Variants in KCNH1 observed in about 807,000 individuals in gnomAD.
The protein encoded by KCNH1 is potassium voltage-gated channel subfamily H member 1.
A neutral mutation model predicts 69.2 loss-of-function variants in KCNH1; 27 were observed. The observed-to-expected ratio is 0.39, with a 90% CI of 0.29 to 0.54. The LOEUF (loss-of-function observed/expected upper bound fraction) is 0.54. Ranked by LOEUF, KCNH1 falls within the 20% of genes least tolerant of loss-of-function variation. The pLI is 0.68. For missense variants in KCNH1, 798 were observed against 1,261.6 expected (o/e 0.63, Z 5.57); for synonymous variants, 456 against 487.7 (o/e 0.93, Z 0.86).
At chr1:211,068,944 A>T (rs1484651724) in intron 5 of KCNH1, among the ~76,000 whole-genome samples, 1 of 152,198 alleles carries the variant, frequency 6.6e-6, no homozygotes, top group Non-Finnish European at 1.5e-5. Flanking sequence ...AGTCGCTTAC[A>T]CTTTGTGAAT....
intron 6 of KCNH1, among the ~76,000 whole-genome samples, chr1:211,000,829 A>G (rs184302639): frequency 2.2e-4 from 33 of 152,344 alleles, no homozygotes; most frequent in Middle Eastern, 3.4e-3. Flanking sequence ...AGATCAATGG[A>G]ACAGAACAGA....
intron 2 of KCNH1, among the ~76,000 whole-genome samples, chr1:211,104,521 T>C (rs560032346): frequency 6.6e-6 from 1 of 152,286 alleles, no homozygotes; most frequent in East Asian, 1.9e-4. Flanking sequence ...GGCCCCACAC[T>C]GAATCTGGTC....
At chr1:211,014,652 G>A (rs1348122617) in intron 6 of KCNH1, among the ~76,000 whole-genome samples, 5 of 152,078 alleles carry the variant, frequency 3.3e-5, no homozygotes, top group Non-Finnish European at 7.4e-5. Context: ...CATACACACA[G>A]ATGGCAAAGC....
At chr1:210,805,143 C>T (rs7553708) in intron 7 of KCNH1, among the ~76,000 whole-genome samples, 31,529 of 152,084 alleles carry the variant, frequency 0.21, 3,583 homozygotes, top group East Asian at 0.49. Context: ...TTTGCAATCA[C>T]GTGCTTCTTT....
intron 9 of KCNH1, among the ~76,000 whole-genome samples, chr1:210,781,078 C>T (rs1260030969): frequency 1.3e-5 from 2 of 152,076 alleles, no homozygotes; most frequent in Non-Finnish European, 2.9e-5. Flanking sequence ...TGAAAAGCCA[C>T]GTAAGCCTCT....
At chr1:210,975,832 A>T (rs547210026) in intron 6 of KCNH1, among the ~76,000 whole-genome samples, 1 of 152,354 alleles carries the variant, frequency 6.6e-6, no homozygotes, top group Non-Finnish European at 1.5e-5. Context: ...AATGGGAGAA[A>T]ATTTTTGCAG....
Position 210,921,644 on chromosome 1 carries a change from A to C in KCNH1, c.1033-1575T>G, listed in dbSNP as rs192700810. ...CCTGAGGTCTAGTTCTTGCCAACGG[A>C]ATGTGAGGTGAAATATGTCACTTCC... On this transcript the variant is annotated intron_variant, in intron 6 of 10. Coordinates refer to ENST00000271751, the MANE Select transcript of KCNH1 (RefSeq NM_172362.3). 2.4e-3 allele frequency among the ~76,000 whole-genome samples: 368 copies of C among 152,236 alleles called. 2 individuals carry two copies. Among genetic ancestry groups the C allele is most frequent in the African/African-American group, 8.4e-3 (348 of 41,548 alleles).
intron 6 of KCNH1, among the ~76,000 whole-genome samples, chr1:210,966,242 A>G (rs1688397720): frequency 6.6e-6 from 1 of 152,226 alleles, no homozygotes; most frequent in Non-Finnish European, 1.5e-5. Flanking sequence ...CTCGAGATGG[A>G]TTAAAGACTT....
chr1:211,080,369 A>G (rs1690828753), intron 5 of KCNH1, among the ~76,000 whole-genome samples: 1 of 152,238 alleles, frequency 6.6e-6, no homozygotes, highest in Non-Finnish European at 1.5e-5. Context: ...GGAAGAAGCA[A>G]TATCATGAAA....
chr1:210,702,431 A>G (rs537552964), intron 10 of KCNH1, among the ~76,000 whole-genome samples: 6 of 151,890 alleles, frequency 4.0e-5, no homozygotes, highest in South Asian at 2.1e-4. Context: ...TTTATCTTCT[A>G]TAAGATTTCT....
chr1:211,079,542 A>G (rs112780293), intron 5 of KCNH1, among the ~76,000 whole-genome samples: 4,036 of 152,258 alleles, frequency 0.027, 173 homozygotes, highest in African/African-American at 0.089. Flanking sequence ...CAATATCCCT[A>G]ATAAACATTG....
intron 6 of KCNH1, among the ~76,000 whole-genome samples, chr1:211,013,012 A>G (rs1016285609): frequency 2.0e-5 from 3 of 152,214 alleles, no homozygotes; most frequent in Non-Finnish European, 4.4e-5. Context: ...CTGCCTATAC[A>G]GTATTGTTAG....
At chr1:210,948,187 T>C (rs1488371880) in intron 6 of KCNH1, among the ~76,000 whole-genome samples, 1 of 147,400 alleles carries the variant, frequency 6.8e-6, no homozygotes, top group Non-Finnish European at 1.5e-5. Context: ...AGCAACAGAG[T>C]AAGACCCTGT....
At chr1:211,114,289 A>G (rs921521777) in intron 1 of KCNH1, among the ~76,000 whole-genome samples, 5 of 152,156 alleles carry the variant, frequency 3.3e-5, no homozygotes, top group Non-Finnish European at 7.4e-5. Context: ...TGAGGTGGGT[A>G]GAAGTGCAAT....
rs375873776 is a variant in KCNH1, at chr1:211,079,033, T to A, written c.558+3747A>T. Among the ~76,000 whole-genome samples, 61 of 151,774 alleles carry A rather than the reference T, an allele frequency of 4.0e-4. 1 individual carries two copies. In the South Asian group the frequency reaches 0.012, roughly 31 times the overall value. ...AAAATCAATGAATCCAGGAGCTGGTTTTTTGAAAAGATCAACAAAATTGAT... is the reference window on the plus strand; with the variant it reads ...AAAATCAATGAATCCAGGAGCTGGTATTTTGAAAAGATCAACAAAATTGAT... On this transcript the variant is annotated intron_variant, in intron 5 of 10. Coordinates refer to ENST00000271751, the MANE Select transcript of KCNH1 (RefSeq NM_172362.3).
At chr1:210,696,740 T>C (rs1681649308) in intron 10 of KCNH1, among the ~76,000 whole-genome samples, 1 of 152,218 alleles carries the variant, frequency 6.6e-6, no homozygotes, top group Non-Finnish European at 1.5e-5. Context: ...GGAGAGGGCA[T>C]GTTTCTTCCT....
chr1:210,878,200 G>C (rs1355678660), intron 7 of KCNH1, among the ~76,000 whole-genome samples: 1 of 151,980 alleles, frequency 6.6e-6, no homozygotes, highest in African/African-American at 2.4e-5. Flanking sequence ...ATTACTGTTA[G>C]AGATTTCAAT....
intron 6 of KCNH1, among the ~76,000 whole-genome samples, chr1:210,941,792 A>G (rs1219040324): frequency 1.3e-5 from 2 of 152,272 alleles, no homozygotes; most frequent in East Asian, 3.9e-4. Flanking sequence ...ATCCTAACTC[A>G]GGGATGTTCT....
chr1:210,894,363 A>C (rs1391872375), intron 7 of KCNH1, among the ~76,000 whole-genome samples: 1 of 152,176 alleles, frequency 6.6e-6, no homozygotes, highest in Non-Finnish European at 1.5e-5. Context: ...ATGTCCCGTC[A>C]ATACAGCTGG....
Sources: gnomAD v4.1 joint callset for allele counts (sites outside exome capture counted in the v4.1 genomes callset) on GRCh38, gnomAD v4.1.1 for gene constraint, MANE v1.5 for transcripts, NCBI Gene and HGNC (gene_info 2026-07-23, HGNC 2026-07-21) for gene names.